The following SMAD3 variants were observed in gnomAD, a reference collection of about 807,000 sequenced individuals.
SMAD3 encodes the protein MAD homolog 3.
SMAD3 carries 12 observed loss-of-function variants against 51.8 expected under a neutral mutation model. The ratio of observed to expected loss-of-function variants is 0.23; its 90% CI spans 0.15 to 0.38. The LOEUF (loss-of-function observed/expected upper bound fraction) is 0.38. Among genes scored for constraint, SMAD3 ranks in the 10% least tolerant of loss-of-function variants. The pLI, the probability that SMAD3 is intolerant of heterozygous loss-of-function variation, is 1.00. For synonymous variants in SMAD3, 238 were observed against 227.7 expected, an observed-to-expected ratio of 1.05 and a Z score of -0.41; for missense variants, 294 against 565.6, an observed-to-expected ratio of 0.52 and a Z score of 4.87.
At chr15:67,139,359 T>G (rs1961756555) in intron 1 of SMAD3, among the ~76,000 whole-genome samples, 1 of 152,192 alleles carries the variant, frequency 6.6e-6, no homozygotes, top group African/African-American at 2.4e-5. Flanking sequence ...TTTTCCCCAC[T>G]GTGTCTGCTC....
In SMAD3 at chr15:67,066,370, C is replaced by T. The variant is rs1476616287; in HGVS notation, c.206+10C>T. 6.2e-7 allele frequency: 1 copy of T among 1,609,596 alleles called. No homozygotes were observed. The highest frequency in any genetic ancestry group is 8.5e-7 in the Non-Finnish European group (1 of 1,177,740). On this transcript the variant is annotated intron_variant, in intron 1 of 8. Coordinates refer to ENST00000327367, the MANE Select transcript of SMAD3 (RefSeq NM_005902.4). ...GCATCACCATCCCCAGGTGGGGGCC[C>T]GCCCGGGGGGGACCCGGGGTCACGC...
chr15:67,162,484 C>T (rs1281885486), intron 1 of SMAD3, among the ~76,000 whole-genome samples: 1 of 152,190 alleles, frequency 6.6e-6, no homozygotes, highest in African/African-American at 2.4e-5. Context: ...CACACGTAGC[C>T]AGAGTTCCAC....
chr15:67,107,123 A>T (rs922179319), intron 1 of SMAD3, among the ~76,000 whole-genome samples: 1 of 152,034 alleles, frequency 6.6e-6, no homozygotes, highest in Non-Finnish European at 1.5e-5. Context: ...TGGAACAGTC[A>T]AGCCCTCAAT....
intron 2 of SMAD3, 59 bp from the exon 3 acceptor site, chr15:67,165,194 A>G (rs2140294567): frequency 1.2e-6 from 2 of 1,613,438 alleles, no homozygotes; most frequent in Non-Finnish European, 8.5e-7. Context: ...GGGTGCGGGG[A>G]CTTTGGTGCT....
chr15:67,194,113 T>A lies in SMAD3; in HGVS notation c.*3577T>A, dbSNP rs546271180. On this transcript the variant is annotated 3_prime_UTR_variant, in exon 9 of 9. Coordinates refer to ENST00000327367, the MANE Select transcript of SMAD3 (RefSeq NM_005902.4). ...CCGTTTAGCCCTGGACCCTGTTTCTTACTGTGTGACTTGGCTAGAGTTGGG... is the reference window on the plus strand; with the variant it reads ...CCGTTTAGCCCTGGACCCTGTTTCTAACTGTGTGACTTGGCTAGAGTTGGG... The A allele has an allele frequency of 2.4e-4, 56 of 233,492 alleles. No individual in the cohort carries two copies. The East Asian group carries it at 3.2e-3, about 13-fold the overall frequency. The allele number at this position is 233,492 out of a possible 1,614,324, so 14.5% of individuals were successfully genotyped here.
chr15:67,140,668 A>T (rs916082654), intron 1 of SMAD3, among the ~76,000 whole-genome samples: 1 of 152,214 alleles, frequency 6.6e-6, no homozygotes, highest in Non-Finnish European at 1.5e-5. Context: ...TGCGAACCCA[A>T]CTGTCCTGAA....
chr15:67,134,843 C>CA (rs1269429805), intron 1 of SMAD3, among the ~76,000 whole-genome samples: 1 of 152,178 alleles, frequency 6.6e-6, no homozygotes, highest in Non-Finnish European at 1.5e-5. Flanking sequence ...TGTTGCCCCT[C>CA]ACACTCACGG....
At chr15:67,106,040 A>G (rs1283186149) in intron 1 of SMAD3, among the ~76,000 whole-genome samples, 2 of 152,094 alleles carry the variant, frequency 1.3e-5, no homozygotes, top group African/African-American at 4.8e-5. Context: ...GAGCCCTGTC[A>G]GTTCTGCCCC....
chr15:67,073,597 A>G (rs975833408), intron 1 of SMAD3, among the ~76,000 whole-genome samples: 2 of 152,194 alleles, frequency 1.3e-5, no homozygotes, highest in African/African-American at 4.8e-5. Flanking sequence ...AATGTTCTCA[A>G]CTGGAAAATA....
At chr15:67,074,162 T>C (rs190543231) in intron 1 of SMAD3, among the ~76,000 whole-genome samples, 5 of 152,372 alleles carry the variant, frequency 3.3e-5, no homozygotes, top group East Asian at 1.9e-4. Flanking sequence ...TGCCTCTTCC[T>C]TACTCTGTGA....
At chr15:67,181,109 G>A (rs1963040178) in intron 5 of SMAD3, 132 bp from the exon 6 acceptor site, 3 of 736,260 alleles carry the variant, frequency 4.1e-6, no homozygotes, top group Non-Finnish European at 7.2e-6. Flanking sequence ...TACGATAAAA[G>A]GCATGGGGTA....
At chr15:67,110,868 G>A (rs1422173504) in intron 1 of SMAD3, among the ~76,000 whole-genome samples, 3 of 152,196 alleles carry the variant, frequency 2.0e-5, no homozygotes, top group African/African-American at 7.2e-5. Flanking sequence ...TGACCCAGAT[G>A]TCCGTAATGT....
chr15:67,190,280 C>G, intron 8 of SMAD3, 133 bp from the exon 9 acceptor site: 1 of 806,228 alleles, frequency 1.2e-6, no homozygotes, highest in Non-Finnish European at 2.0e-6. Flanking sequence ...TTACTGGTAC[C>G]GCTTCTAGGA....
Position 67,181,471 on chromosome 15 carries a change from T to TGGGCCCCCCCC in SMAD3, c.871+18_871+19insGGGCCCCCCCC. On this transcript the variant is annotated intron_variant, in intron 6 of 8. Coordinates refer to ENST00000327367, the MANE Select transcript of SMAD3 (RefSeq NM_005902.4). ...ACACATCGGTATGGGGTGGCTCCAT[T>TGGGCCCCCCCC]CCCCGCCCCCCCACCCTGCCCCTGC... 2 of 1,521,078 alleles carry TGGGCCCCCCCC rather than the reference T, an allele frequency of 1.3e-6. No homozygotes were observed. Among genetic ancestry groups the TGGGCCCCCCCC allele is most frequent in the Admixed American group, 1.9e-5 (1 of 53,432 alleles). 94.2% of individuals were successfully genotyped at this position (1,521,078 alleles called of 1,614,324 possible).
At chr15:67,068,208 G>T (rs1354843493) in intron 1 of SMAD3, among the ~76,000 whole-genome samples, 5 of 152,246 alleles carry the variant, frequency 3.3e-5, no homozygotes, top group Admixed American at 3.3e-4. Context: ...CCTTAAAAGA[G>T]AGAGGTGAAA....
intron 1 of SMAD3, among the ~76,000 whole-genome samples, chr15:67,068,204 AAGAG>A (rs1166677116): frequency 2.0e-5 from 3 of 152,258 alleles, no homozygotes; most frequent in Non-Finnish European, 4.4e-5. Flanking sequence ...GAAACCTTAA[AAGAG>A]AGAGGTGAAA....
intron 7 of SMAD3, chr15:67,186,536 G>A (rs996343652): frequency 2.5e-4 from 38 of 154,320 alleles, no homozygotes; most frequent in African/African-American, 5.6e-4. Context: ...ATTCATAAGC[G>A]TCACCCCGGC....
chr15:67,163,266 G>A (rs939774131), intron 1 of SMAD3, among the ~76,000 whole-genome samples: 8 of 152,122 alleles, frequency 5.3e-5, no homozygotes, highest in African/African-American at 1.2e-4. Context: ...GATTAATGCC[G>A]GTCTTGCCCA....
chr15:67,150,167 C>T (rs929918364), intron 1 of SMAD3, among the ~76,000 whole-genome samples: 6 of 152,158 alleles, frequency 3.9e-5, no homozygotes, highest in Admixed American at 3.9e-4. Flanking sequence ...GAGGCACTGC[C>T]TCTCCGCGTG....
Sources: gnomAD v4.1 joint callset for allele counts (sites outside exome capture counted in the v4.1 genomes callset) on GRCh38, gnomAD v4.1.1 for gene constraint, MANE v1.5 for transcripts, NCBI Gene and HGNC (gene_info 2026-07-23, HGNC 2026-07-21) for gene names.